Variants in PRORP observed in about 807,000 individuals in gnomAD.
PRORP encodes protein only RNase P catalytic subunit.
PRORP carries 51 observed loss-of-function variants against 59.4 expected under a neutral mutation model. That is an observed-to-expected ratio of 0.86 (90% confidence interval 0.69 to 1.08). The LOEUF (loss-of-function observed/expected upper bound fraction) is 1.08. PRORP is among the 50% of genes least tolerant of loss of function. The pLI is 0.00. For synonymous variants in PRORP, 231 were observed against 245.6 expected, an observed-to-expected ratio of 0.94 and a Z score of 0.55; for missense variants, 646 against 690.3, an observed-to-expected ratio of 0.94 and a Z score of 0.72.
chr14:35,123,514 C>T lies in PRORP; in HGVS notation c.269C>T (p.Ala90Val). The change falls in exon 2 of 8, where the codon GCT (alanine) becomes GTT (valine). Residue 90 changes from alanine (A) to valine (V), a missense_variant. Ala to Val is a moderately conservative substitution (Grantham distance 64). Transcript: ENST00000534898. ...SVPHFFLAGA[A>V]KERSQMNSQT... ...CCTCATTTTTTTTTAGCTGGAGCAG[C>T]TAAGGAGAGATCACAGATGAATTCT... is the stretch of plus-strand genomic sequence containing the variant. The T allele has an allele frequency of 1.9e-6, 3 of 1,614,106 alleles. No individual in the cohort carries two copies. The highest frequency in any genetic ancestry group is 2.5e-6 in the Non-Finnish European group (3 of 1,180,036).
intron 5 of PRORP, among the ~76,000 whole-genome samples, chr14:35,240,667 T>A (rs1378446118): frequency 3.3e-5 from 5 of 152,214 alleles, no homozygotes; most frequent in African/African-American, 1.2e-4. Context: ...AAATTTAATA[T>A]CTTCACCTAT....
At chr14:35,205,383 T>G (rs1481265790) in intron 5 of PRORP, among the ~76,000 whole-genome samples, 1 of 152,122 alleles carries the variant, frequency 6.6e-6, no homozygotes, top group East Asian at 1.9e-4. Context: ...AGAGATGAGG[T>G]TTCACCATGT....
At chr14:35,170,838 CT>C (rs1191789031) in intron 4 of PRORP, among the ~76,000 whole-genome samples, 1 of 151,350 alleles carries the variant, frequency 6.6e-6, no homozygotes, top group Non-Finnish European at 1.5e-5. Context: ...TTCTTTCTTT[CT>C]TTTCTTTTTC....
intron 5 of PRORP, among the ~76,000 whole-genome samples, chr14:35,186,801 A>G (rs772694068): frequency 4.0e-5 from 6 of 151,682 alleles, no homozygotes; most frequent in Non-Finnish European, 7.4e-5. Context: ...ACAGGGTCTC[A>G]CTGTGTTGCT....
chr14:35,276,673 CAAG>C lies in PRORP; in HGVS notation c.*3111_*3113del, dbSNP rs770775980. The C allele has an allele frequency of 7.2e-5, 11 of 152,006 alleles. No homozygotes were observed. The highest frequency in any genetic ancestry group is 1.5e-4 in the Non-Finnish European group (10 of 68,020). 9.4% of individuals were successfully genotyped at this position (152,006 alleles called of 1,614,324 possible). A position where few individuals can be genotyped will look rare whatever the true frequency, so the allele number is the denominator to read the frequency against. ...CTGTCAAGCAAGCTCCTGGACACCA[CAAG>C]AAGGAGGAATTATTTTAAAAGCTGT... On this transcript the variant is annotated 3_prime_UTR_variant, in exon 8 of 8. Transcript: ENST00000534898.
chr14:35,192,265 C>T (rs529151685), intron 5 of PRORP, among the ~76,000 whole-genome samples: 1 of 152,296 alleles, frequency 6.6e-6, no homozygotes, highest in East Asian at 1.9e-4. Flanking sequence ...TAATATTCTT[C>T]CATCTTCAAA....
chr14:35,213,147 T>G (rs1282912317), intron 5 of PRORP, among the ~76,000 whole-genome samples: 4 of 152,212 alleles, frequency 2.6e-5, no homozygotes, highest in Non-Finnish European at 5.9e-5. Flanking sequence ...GGATTACGTT[T>G]TGGTGTAAGG....
Position 35,136,563 on chromosome 14 carries a change from G to A in PRORP, c.1167+8952G>A, listed in dbSNP as rs761015252. On this transcript the variant is annotated intron_variant, in intron 4 of 7. Transcript: ENST00000534898. ...CTAATTTTGTATTTTTAGTAGAGACGGGGGTTTCTCCATATTGGTGAGGCT... is the reference window on the plus strand; with the variant it reads ...CTAATTTTGTATTTTTAGTAGAGACAGGGGTTTCTCCATATTGGTGAGGCT... 8.3e-5 allele frequency among the ~76,000 whole-genome samples: 12 copies of A among 144,672 alleles called. 1 individual carries two copies. The highest frequency in any genetic ancestry group is 2.3e-4 in the South Asian group (1 of 4,388). The allele number at this position is 144,672 out of a possible 152,430, so 94.9% of individuals were successfully genotyped here.
chr14:35,163,175 A>G (rs1453118315), intron 4 of PRORP, among the ~76,000 whole-genome samples: 1 of 152,152 alleles, frequency 6.6e-6, no homozygotes, highest in Non-Finnish European at 1.5e-5. Context: ...ATCATGTTTT[A>G]TATATGTGAC....
intron 4 of PRORP, chr14:35,157,890 T>G (rs1465004692): frequency 1.2e-5 from 2 of 166,352 alleles, no homozygotes; most frequent in Non-Finnish European, 2.6e-5. Flanking sequence ...ACGTAACTAT[T>G]GATCAATAGT....
chr14:35,237,153 C>T (rs868180030), intron 5 of PRORP, among the ~76,000 whole-genome samples: 2 of 151,398 alleles, frequency 1.3e-5, no homozygotes, highest in Admixed American at 6.6e-5. Context: ...AGTGCAGTGG[C>T]GCCATCACAG....
Position 35,127,572 on chromosome 14 carries a change from G to A in PRORP, c.1128G>A (p.Val376=), listed in dbSNP as rs1419618384. 1.2e-6 allele frequency: 2 copies of A among 1,614,068 alleles called. No homozygotes were observed. Among genetic ancestry groups the A allele is most frequent in the Non-Finnish European group, 1.7e-6 (2 of 1,179,964 alleles). ...TTAAGGGAAAAATCATGAGGGATGT[G>A]ATAGATGGAGGTGACCAGTACAGAA... ...ECLKGKIMRD[V]IDGGDQYRKT... The change falls in exon 4 of 8, where the codon GTG becomes GTA. Residue 376 remains valine, a synonymous_variant. Transcript: ENST00000534898.
chr14:35,164,474 T>C (rs1318316792), intron 4 of PRORP, among the ~76,000 whole-genome samples: 1 of 152,224 alleles, frequency 6.6e-6, no homozygotes, highest in South Asian at 2.1e-4. Context: ...AACAAAGTCA[T>C]GTCCTTCACA....
At chr14:35,273,311 A>G in intron 7 of PRORP, 124 bp from the exon 8 acceptor site, 3 of 894,474 alleles carry the variant, frequency 3.4e-6, no homozygotes, top group Non-Finnish European at 4.8e-6. Context: ...AAAATCCATT[A>G]TTAAGTGAGA....
At chr14:35,209,582 C>T (rs948738974) in intron 5 of PRORP, among the ~76,000 whole-genome samples, 4 of 152,088 alleles carry the variant, frequency 2.6e-5, no homozygotes, top group African/African-American at 7.2e-5. Flanking sequence ...GACAGGGTCT[C>T]GCTCTGTTGC....
chr14:35,139,385 A>G (rs2047435728), intron 4 of PRORP, among the ~76,000 whole-genome samples: 1 of 142,824 alleles, frequency 7.0e-6, no homozygotes, highest in Non-Finnish European at 1.6e-5. Flanking sequence ...ACTGCAATCA[A>G]GATAATGAAC....
intron 4 of PRORP, among the ~76,000 whole-genome samples, chr14:35,133,094 G>T (rs767074058): frequency 3.9e-4 from 60 of 152,090 alleles, no homozygotes; most frequent in Middle Eastern, 3.4e-3. Context: ...GCTAATTTTT[G>T]TATTTTTAGT....
intron 2 of PRORP, among the ~76,000 whole-genome samples, chr14:35,125,692 A>G (rs948067012): frequency 1.3e-5 from 2 of 152,170 alleles, no homozygotes; most frequent in South Asian, 4.1e-4. Flanking sequence ...AAAATCTTTG[A>G]ATACCAAGGA....
At chr14:35,178,399 GGA>G (rs2048509400) in intron 4 of PRORP, among the ~76,000 whole-genome samples, 1 of 152,192 alleles carries the variant, frequency 6.6e-6, no homozygotes, top group East Asian at 1.9e-4. Flanking sequence ...AAGTCTCTGA[GGA>G]CTTGCTTTAT....
Sources: gnomAD v4.1 joint callset for allele counts (sites outside exome capture counted in the v4.1 genomes callset) on GRCh38, gnomAD v4.1.1 for gene constraint, MANE v1.5 for transcripts, NCBI Gene and HGNC (gene_info 2026-07-23, HGNC 2026-07-21) for gene names.